The following ADAMTS18 variants were observed in gnomAD, a reference collection of about 807,000 sequenced individuals.
ADAMTS18 encodes ADAM metallopeptidase with thrombospondin type 1 motif 18.
ADAMTS18 carries 157 observed loss-of-function variants against 165.9 expected under a neutral mutation model. The observed-to-expected ratio is 0.95, with a 90% CI of 0.83 to 1.08. ADAMTS18 has a LOEUF of 1.08. Ranked by LOEUF, ADAMTS18 falls within the 50% of genes least tolerant of loss-of-function variation. The pLI, the probability that ADAMTS18 is intolerant of heterozygous loss-of-function variation, is 0.00. For missense variants in ADAMTS18, 2,040 were observed against 1,534.0 expected (o/e 1.33, Z -5.51); for synonymous variants, 782 against 578.2 (o/e 1.35, Z -5.06).
intron 3 of ADAMTS18, among the ~76,000 whole-genome samples, chr16:77,369,739 T>C (rs1431700937): frequency 6.6e-6 from 1 of 152,176 alleles, no homozygotes; most frequent in Non-Finnish European, 1.5e-5. Flanking sequence ...TCCAAACTCA[T>C]TCTACATGGC....
At chr16:77,367,333 C>T in intron 4 of ADAMTS18, 108 bp downstream of exon 4, 2 of 1,256,018 alleles carry the variant, frequency 1.6e-6, no homozygotes, top group South Asian at 1.2e-5. Flanking sequence ...AAGACAGATG[C>T]TCAGGGTAGC....
At chr16:77,315,906 T>C (rs1012625962) in intron 16 of ADAMTS18, among the ~76,000 whole-genome samples, 1 of 152,188 alleles carries the variant, frequency 6.6e-6, no homozygotes, top group South Asian at 2.1e-4. Context: ...CTAAGGTACA[T>C]TGCAAATATA....
intron 12 of ADAMTS18, among the ~76,000 whole-genome samples, chr16:77,332,331 A>C (rs2144663713): frequency 6.6e-6 from 1 of 152,130 alleles, no homozygotes; most frequent in African/African-American, 2.4e-5. Context: ...CTGCCTCTCC[A>C]CCCTGCTTCG....
At position 77,283,864 on chromosome 16, in the gene ADAMTS18, C is replaced by A; in HGVS notation, c.*92G>T. 2 of 983,558 alleles carry A rather than the reference C, an allele frequency of 2.0e-6. No homozygotes were observed. The highest frequency in any genetic ancestry group is 3.2e-6 in the Non-Finnish European group (2 of 615,574). The allele number at this position is 983,558 out of a possible 1,614,324, so 60.9% of individuals were successfully genotyped here. On this transcript the variant is annotated 3_prime_UTR_variant, in exon 23 of 23. Transcript: ENST00000282849. ...ACAGCGGCAGCTCACAGATGGTTCTCGGTGCTCAGCTCCTGGTCTCAAAGG... is the reference window on the plus strand; with the variant it reads ...ACAGCGGCAGCTCACAGATGGTTCTAGGTGCTCAGCTCCTGGTCTCAAAGG...
intron 3 of ADAMTS18, among the ~76,000 whole-genome samples, chr16:77,422,572 G>C (rs935795216): frequency 2.7e-5 from 4 of 150,114 alleles, no homozygotes; most frequent in Non-Finnish European, 1.5e-5. Context: ...GAGGGAGAAA[G>C]AAAGGAAGGA....
intron 3 of ADAMTS18, among the ~76,000 whole-genome samples, chr16:77,402,420 G>A (rs141126335): frequency 1.8e-4 from 28 of 152,270 alleles, no homozygotes; most frequent in African/African-American, 6.7e-4. Flanking sequence ...CCTTCTACGT[G>A]TGTTAGGTTC....
chr16:77,285,910 A>C (rs2055241038), intron 22 of ADAMTS18, among the ~76,000 whole-genome samples: 1 of 152,058 alleles, frequency 6.6e-6, no homozygotes, highest in African/African-American at 2.4e-5. Context: ...TCCTTGTTCT[A>C]CTCGAGACAA....
At chr16:77,368,535 C>G (rs902359165) in intron 3 of ADAMTS18, among the ~76,000 whole-genome samples, 1 of 150,054 alleles carries the variant, frequency 6.7e-6, no homozygotes, top group African/African-American at 2.5e-5. Context: ...CTACTGGTCT[C>G]AAGCAATCCT....
intron 3 of ADAMTS18, among the ~76,000 whole-genome samples, chr16:77,418,141 A>G (rs2057554099): frequency 6.6e-6 from 1 of 152,158 alleles, no homozygotes; most frequent in African/African-American, 2.4e-5. Context: ...ACATCTATTA[A>G]AACATTCCCA....
At chr16:77,390,998 A>G (rs1217473073) in intron 3 of ADAMTS18, among the ~76,000 whole-genome samples, 1 of 152,118 alleles carries the variant, frequency 6.6e-6, no homozygotes. Flanking sequence ...TCATGCCACC[A>G]TCCTTCCATC....
At chr16:77,380,973 A>T (rs370430273) in intron 3 of ADAMTS18, among the ~76,000 whole-genome samples, 12 of 152,254 alleles carry the variant, frequency 7.9e-5, no homozygotes, top group African/African-American at 2.6e-4. Flanking sequence ...TCCTGGGTTC[A>T]AGCAACCCTC....
At chr16:77,360,243 G>A (rs920327519) in intron 7 of ADAMTS18, among the ~76,000 whole-genome samples, 5 of 152,172 alleles carry the variant, frequency 3.3e-5, no homozygotes, top group Non-Finnish European at 7.3e-5. Flanking sequence ...TACTACCATC[G>A]TCATCGTCAC....
At chr16:77,396,314 T>C (rs2057256279) in intron 3 of ADAMTS18, among the ~76,000 whole-genome samples, 1 of 152,218 alleles carries the variant, frequency 6.6e-6, no homozygotes, top group African/African-American at 2.4e-5. Context: ...AAAGGGAAAT[T>C]TGAAATATCA....
In ADAMTS18 at chr16:77,382,574, A is replaced by C. The variant is rs897834366; in HGVS notation, c.496-14851T>G. ...GACCTTTACAAGTGGTTTGGTCATG[A>C]AGACTTTCTCAATCTAGGGAAGATG... On this transcript the variant is annotated intron_variant, in intron 3 of 22. Transcript: ENST00000282849. Among the ~76,000 whole-genome samples the C allele has an allele frequency of 9.7e-4, 148 of 152,298 alleles. 1 individual carries two copies. Among genetic ancestry groups the C allele is most frequent in the Non-Finnish European group, 3.7e-4 (25 of 68,022 alleles).
chr16:77,320,659 G>A lies in ADAMTS18; in HGVS notation c.2287+420C>T, dbSNP rs183588757. Among the ~76,000 whole-genome samples the A allele has an allele frequency of 2.3e-4, 35 of 151,734 alleles. No individual in the cohort carries two copies. In the East Asian group the frequency reaches 6.4e-3, roughly 28 times the overall value. Reference sequence around the variant, plus strand: ...GTCTCAAAAAAAAAAAATCTGTCTGGAAGAAGCTTAGAACCATGTATCTTC... The same window carrying A: ...GTCTCAAAAAAAAAAAATCTGTCTGAAAGAAGCTTAGAACCATGTATCTTC... On this transcript the variant is annotated intron_variant, in intron 15 of 22. Coordinates refer to ENST00000282849, the MANE Select transcript of ADAMTS18 (RefSeq NM_199355.4).
At chr16:77,319,534 T>C (rs1228435140) in intron 16 of ADAMTS18, among the ~76,000 whole-genome samples, 1 of 152,096 alleles carries the variant, frequency 6.6e-6, no homozygotes, top group Non-Finnish European at 1.5e-5. Context: ...TTCCGCCTCC[T>C]AGGTTCAAGC....
At chr16:77,363,128 C>A (rs1047714730) in intron 6 of ADAMTS18, among the ~76,000 whole-genome samples, 1 of 152,128 alleles carries the variant, frequency 6.6e-6, no homozygotes, top group Non-Finnish European at 1.5e-5. Context: ...GAATGGTAAT[C>A]GCTATCTCAG....
rs138364763 is a variant in ADAMTS18 at position 77,349,124 on chromosome 16, A to C, written c.1614+4609T>G. The stretch of plus-strand genomic sequence containing the variant: ...ATTCCATGCTAGGAAGTTTCTAATT[A>C]TTCTCCATTCATTAATCCTGATGTC... On this transcript the variant is annotated intron_variant, in intron 10 of 22. Coordinates refer to ENST00000282849, the MANE Select transcript of ADAMTS18 (RefSeq NM_199355.4). Among the ~76,000 whole-genome samples the C allele has an allele frequency of 2.6e-5, 4 of 152,312 alleles. No homozygotes were observed. In the East Asian group the frequency reaches 7.7e-4, roughly 29 times the overall value.
chr16:77,418,873 G>A (rs140478200), intron 3 of ADAMTS18, among the ~76,000 whole-genome samples: 4 of 152,268 alleles, frequency 2.6e-5, no homozygotes, highest in Admixed American at 1.3e-4. Context: ...ATTATTCGCC[G>A]AGTGCGGCAG....
Sources: gnomAD v4.1 joint callset for allele counts (sites outside exome capture counted in the v4.1 genomes callset) on GRCh38, gnomAD v4.1.1 for gene constraint, MANE v1.5 for transcripts, NCBI Gene and HGNC (gene_info 2026-07-23, HGNC 2026-07-21) for gene names.